Variants in CGAS observed in about 807,000 individuals in gnomAD.
The protein encoded by CGAS is cyclic GMP-AMP synthase.
CGAS carries 31 observed loss-of-function variants against 34.0 expected under a neutral mutation model. The ratio of observed to expected loss-of-function variants is 0.91; its 90% CI spans 0.69 to 1.23. The LOEUF is 1.23. Ranked by LOEUF, CGAS falls within the 50% of genes most tolerant of loss-of-function variation. The probability of loss-of-function intolerance (pLI) is 0.00; values close to 1 mark genes in which losing one functional copy is unlikely to be tolerated. For synonymous variants in CGAS, 266 were observed against 260.0 expected (o/e 1.02, Z -0.22); for missense variants, 597 against 657.6 (o/e 0.91, Z 1.01).
chr6:73,434,075 T>C (rs1009691176), intron 3 of CGAS, among the ~76,000 whole-genome samples: 12 of 152,192 alleles, frequency 7.9e-5, no homozygotes, highest in African/African-American at 2.9e-4. Context: ...TTGAGACTAA[T>C]TATAAAGCTA....
chr6:73,432,383 ACTC>A (rs1290460099), intron 3 of CGAS, among the ~76,000 whole-genome samples: 1 of 150,402 alleles, frequency 6.6e-6, no homozygotes. Context: ...CTGGTCTCGC[ACTC>A]CTGACCTCAG....
intron 4 of CGAS, among the ~76,000 whole-genome samples, chr6:73,426,329 TAAATG>T (rs571072520): frequency 1.4e-4 from 20 of 146,160 alleles, no homozygotes; most frequent in East Asian, 9.8e-4. Flanking sequence ...TAAAATGAAA[TAAATG>T]AAATGAAATG....
intron 1 of CGAS, among the ~76,000 whole-genome samples, chr6:73,449,476 A>AACACACACACACACACACACACACACAC (rs144519687): frequency 7.0e-6 from 1 of 142,808 alleles, no homozygotes; most frequent in Admixed American, 7.1e-5. Context: ...CTCTGTCTCA[A>AACACACACACACACACACACACACACAC]ACACACACAC....
intron 1 of CGAS, among the ~76,000 whole-genome samples, chr6:73,446,227 G>C (rs1262852925): frequency 6.6e-6 from 1 of 151,860 alleles, no homozygotes; most frequent in African/African-American, 2.4e-5. Context: ...CTACTCAGGA[G>C]GCTGAAGCAG....
At chr6:73,448,037 C>A (rs1770497246) in intron 1 of CGAS, among the ~76,000 whole-genome samples, 2 of 152,110 alleles carry the variant, frequency 1.3e-5, no homozygotes, top group South Asian at 2.1e-4. Context: ...TTATGTAATT[C>A]ATTTTCACTG....
At chr6:73,432,024 C>G (rs1231218163) in intron 3 of CGAS, among the ~76,000 whole-genome samples, 2 of 152,034 alleles carry the variant, frequency 1.3e-5, no homozygotes, top group Admixed American at 6.6e-5. Context: ...GAGACGGGGT[C>G]TCTCCACCTT....
Position 73,440,200 on chromosome 6 carries a change from T to G in CGAS, c.1114+9A>C. ...TACTTCTTTAAGTTAACTTTAATAT[T>G]TAAAATACCTTGGAAACCATTTCCT... On this transcript the variant is annotated intron_variant, in intron 3 of 4. Transcript: ENST00000370315. The G allele has an allele frequency of 6.2e-7, 1 of 1,602,738 alleles. No individual in the cohort carries two copies. Among genetic ancestry groups the G allele is most frequent in the Non-Finnish European group, 8.5e-7 (1 of 1,173,260 alleles).
chr6:73,448,129 C>T (rs1201718531), intron 1 of CGAS, among the ~76,000 whole-genome samples: 3 of 152,184 alleles, frequency 2.0e-5, no homozygotes, highest in South Asian at 2.1e-4. Context: ...CAGTGGCTCA[C>T]GCCTGTAATC....
intron 2 of CGAS, among the ~76,000 whole-genome samples, chr6:73,440,833 C>T (rs1391028498): frequency 2.0e-5 from 3 of 151,316 alleles, no homozygotes; most frequent in Non-Finnish European, 4.4e-5. Flanking sequence ...ACCCAGGAGG[C>T]GGAGGTTGCA....
chr6:73,442,597 C>CTTTTTTTTTTTTT (rs66905880), intron 2 of CGAS, among the ~76,000 whole-genome samples: 2 of 131,498 alleles, frequency 1.5e-5, no homozygotes, highest in African/African-American at 2.9e-5. Flanking sequence ...TTTTTTCTTT[C>CTTTTTTTTTTTTT]TTTTTTTTTT....
chr6:73,449,508 C>CAA (rs56296814), intron 1 of CGAS, among the ~76,000 whole-genome samples: 12 of 150,504 alleles, frequency 8.0e-5, no homozygotes, highest in South Asian at 2.1e-4. Context: ...CACACACACA[C>CAA]AAAGTGGTTC....
intron 2 of CGAS, among the ~76,000 whole-genome samples, chr6:73,442,135 A>T (rs1258740296): frequency 6.6e-6 from 1 of 152,094 alleles, no homozygotes; most frequent in Non-Finnish European, 1.5e-5. Context: ...GGCCTCCCAA[A>T]GTGCTAGGGT....
At chr6:73,441,790 T>C (rs1459489187) in intron 2 of CGAS, among the ~76,000 whole-genome samples, 2 of 152,184 alleles carry the variant, frequency 1.3e-5, no homozygotes, top group African/African-American at 4.8e-5. Context: ...GAGAAAATGC[T>C]AGAAAAATCT....
intron 2 of CGAS, among the ~76,000 whole-genome samples, chr6:73,443,714 G>C (rs868580307): frequency 2.0e-5 from 3 of 152,014 alleles, no homozygotes; most frequent in Non-Finnish European, 4.4e-5. Flanking sequence ...TTAATTGTAC[G>C]TCTGTGCTTG....
chr6:73,426,623 C>T (rs114933995), intron 4 of CGAS, among the ~76,000 whole-genome samples: 2 of 151,502 alleles, frequency 1.3e-5, no homozygotes, highest in Non-Finnish European at 2.9e-5. Flanking sequence ...CCTCACCCCC[C>T]TCAAGCGATC....
intron 3 of CGAS, among the ~76,000 whole-genome samples, chr6:73,429,788 T>A (rs888990206): frequency 5.3e-5 from 8 of 152,010 alleles, no homozygotes; most frequent in East Asian, 1.9e-4. Context: ...ATCGCGCCAC[T>A]GCACTCCAGC....
intron 1 of CGAS, among the ~76,000 whole-genome samples, chr6:73,450,903 TG>T (rs1770552423): frequency 6.9e-6 from 1 of 145,404 alleles, no homozygotes; most frequent in African/African-American, 2.6e-5. Context: ...GGCAGGAGAA[TG>T]GCGTGAACCC....
At chr6:73,451,445 C>G in intron 1 of CGAS, 80 bp downstream of exon 1, 1 of 1,426,386 alleles carries the variant, frequency 7.0e-7, no homozygotes, top group South Asian at 1.4e-5. Flanking sequence ...AAGTGAGGGG[C>G]GCGACCCGGG....
chr6:73,429,624 A>G lies in CGAS; in HGVS notation c.1115-813T>C, dbSNP rs554945336. Among the ~76,000 whole-genome samples the G allele has an allele frequency of 1.3e-4, 20 of 151,856 alleles. No individual in the cohort carries two copies. The East Asian group carries it at 1.7e-3, about 13-fold the overall frequency. ...GGCGGATCACAAGGTCGGGAGATCA[A>G]GACCATCCTGGCTAACACAGTGAAA... On this transcript the variant is annotated intron_variant, in intron 3 of 4. Coordinates refer to ENST00000370315, the MANE Select transcript of CGAS (RefSeq NM_138441.3).
Sources: gnomAD v4.1 joint callset for allele counts (sites outside exome capture counted in the v4.1 genomes callset) on GRCh38, gnomAD v4.1.1 for gene constraint, MANE v1.5 for transcripts, NCBI Gene and HGNC (gene_info 2026-07-23, HGNC 2026-07-21) for gene names.